The following CDC42SE2 variants were observed in gnomAD, a reference collection of about 807,000 sequenced individuals.
CDC42SE2 encodes CDC42 small effector 2, also known as CDC42 small effector protein 2.
Under a neutral mutation model 11.5 loss-of-function variants are expected in CDC42SE2, and 3 were observed. The observed-to-expected ratio is 0.26, with a 90% CI of 0.12 to 0.67. The LOEUF is 0.67. Among genes scored for constraint, CDC42SE2 ranks in the 30% least tolerant of loss-of-function variants. The probability of loss-of-function intolerance (pLI) is 0.80; values close to 1 mark genes in which losing one functional copy is unlikely to be tolerated. For missense variants in CDC42SE2, 82 were observed against 106.8 expected (o/e 0.77, Z 1.02); for synonymous variants, 33 against 34.8 (o/e 0.95, Z 0.18).
intron 3 of CDC42SE2, among the ~76,000 whole-genome samples, chr5:131,368,792 C>A (rs1045160544): frequency 4.6e-5 from 7 of 152,160 alleles, no homozygotes; most frequent in African/African-American, 1.7e-4. Context: ...GAAGCCAAAT[C>A]TGAGACATTA....
intron 1 of CDC42SE2, among the ~76,000 whole-genome samples, chr5:131,277,268 C>CA (rs1757124137): frequency 1.3e-5 from 2 of 152,124 alleles, no homozygotes; most frequent in Non-Finnish European, 2.9e-5. Flanking sequence ...TCCTACCACT[C>CA]AGTTTATTTC....
chr5:131,272,349 C>A (rs141128725), intron 1 of CDC42SE2, among the ~76,000 whole-genome samples: 28 of 152,230 alleles, frequency 1.8e-4, no homozygotes, highest in African/African-American at 6.7e-4. Flanking sequence ...AGTACGTTTC[C>A]TGATTTAATC....
At chr5:131,230,960 T>C in the CDC42SE2 span, among the ~76,000 whole-genome samples, 1 of 152,208 alleles carries the variant, frequency 6.6e-6, no homozygotes, top group Non-Finnish European at 1.5e-5. Flanking sequence ...TAAACATACA[T>C]ACACACACAT....
At chr5:131,385,391 G>T (rs1482480464) in intron 3 of CDC42SE2, 152 bp from the exon 4 acceptor site, 6 of 532,762 alleles carry the variant, frequency 1.1e-5, no homozygotes, top group Admixed American at 3.4e-5. Context: ...ATTTGTCTTG[G>T]GGATTTCATC....
chr5:131,335,821 G>A (rs1196937638), intron 2 of CDC42SE2, among the ~76,000 whole-genome samples: 2 of 152,054 alleles, frequency 1.3e-5, no homozygotes. Context: ...CATTTGCTTG[G>A]TAGATCTTCC....
At chr5:131,302,362 A>G (rs1246616997) in intron 1 of CDC42SE2, among the ~76,000 whole-genome samples, 1 of 152,202 alleles carries the variant, frequency 6.6e-6, no homozygotes, top group Non-Finnish European at 1.5e-5. Flanking sequence ...TATTTTTAGT[A>G]GAAACAGGGT....
At chr5:131,348,596 C>T (rs1029848808) in intron 2 of CDC42SE2, among the ~76,000 whole-genome samples, 3 of 152,112 alleles carry the variant, frequency 2.0e-5, no homozygotes, top group Admixed American at 6.5e-5. Flanking sequence ...AATGCCATCC[C>T]CATCAATCTA....
chr5:131,275,887 A>G (rs868107498), intron 1 of CDC42SE2, among the ~76,000 whole-genome samples: 11 of 152,022 alleles, frequency 7.2e-5, no homozygotes, highest in South Asian at 6.2e-4. Context: ...TTCAAAAAAA[A>G]AAGCGTATAT....
At chr5:131,286,627 C>G (rs971609692) in intron 1 of CDC42SE2, among the ~76,000 whole-genome samples, 1 of 151,884 alleles carries the variant, frequency 6.6e-6, no homozygotes, top group Non-Finnish European at 1.5e-5. Context: ...ACCCCTGAGA[C>G]AGCGAGACCA....
chr5:131,248,294 C>G (rs901234395), intron 1 of CDC42SE2, among the ~76,000 whole-genome samples: 3 of 152,086 alleles, frequency 2.0e-5, no homozygotes, highest in African/African-American at 7.2e-5. Context: ...CGCATGCCAC[C>G]ATGCTTGGCT....
At chr5:131,256,370 C>T (rs2149684813) in intron 2 of CDC42SE2, among the ~76,000 whole-genome samples, 1 of 152,296 alleles carries the variant, frequency 6.6e-6, no homozygotes, top group South Asian at 2.1e-4. Flanking sequence ...GCTAGAGGGT[C>T]ACCTCAAAGA....
At chr5:131,253,865 C>T (rs1024104643) in intron 1 of CDC42SE2, among the ~76,000 whole-genome samples, 6 of 152,156 alleles carry the variant, frequency 3.9e-5, no homozygotes, top group Admixed American at 3.3e-4. Flanking sequence ...CAAATACTTG[C>T]GTTAGGTTTT....
Position 131,392,590 on chromosome 5 carries a change from A to ATGT in CDC42SE2, c.*1501_*1503dup, listed in dbSNP as rs1424723352. On this transcript the variant is annotated 3_prime_UTR_variant, in exon 5 of 5. Transcript: ENST00000505065. ...TCATAAGGCATTCATTCTGTTGTAA[A>ATGT]TGTTCAATATATTTATTTTGAGAGC... The ATGT allele has an allele frequency of 6.6e-6, 1 of 152,284 alleles. No individual in the cohort carries two copies. Among genetic ancestry groups the ATGT allele is most frequent in the Non-Finnish European group, 1.5e-5 (1 of 68,028 alleles). 9.4% of individuals were successfully genotyped at this position (152,284 alleles called of 1,614,324 possible).
chr5:131,379,952 C>T (rs892678989), intron 3 of CDC42SE2, among the ~76,000 whole-genome samples: 2 of 151,930 alleles, frequency 1.3e-5, no homozygotes, highest in African/African-American at 4.8e-5. Flanking sequence ...CTCACTCTGG[C>T]ACCCAGGCTG....
At chr5:131,343,327 T>A (rs1332886618) in intron 2 of CDC42SE2, among the ~76,000 whole-genome samples, 1 of 152,198 alleles carries the variant, frequency 6.6e-6, no homozygotes, top group Non-Finnish European at 1.5e-5. Context: ...GTCCATCATC[T>A]ATAATACACT....
chr5:131,316,828 C>T lies in CDC42SE2; in HGVS notation c.-286+684C>T, dbSNP rs557025452. Among the ~76,000 whole-genome samples, 395 of 152,214 alleles carry T rather than the reference C, an allele frequency of 2.6e-3. 4 individuals carry two copies. Among genetic ancestry groups the T allele is most frequent in the Non-Finnish European group, 4.6e-3 (312 of 68,006 alleles). On this transcript the variant is annotated intron_variant, in intron 2 of 4. Coordinates refer to ENST00000505065, the MANE Select transcript of CDC42SE2 (RefSeq NM_001375635.1). ...TTTTCTTATTGTTTAAGCAGTTTTGCCTTGAGATTTCCTGTTATTTGCTAT... is the reference window on the plus strand; with the variant it reads ...TTTTCTTATTGTTTAAGCAGTTTTGTCTTGAGATTTCCTGTTATTTGCTAT...
At chr5:131,345,972 C>T (rs1000130361) in intron 2 of CDC42SE2, among the ~76,000 whole-genome samples, 1 of 152,158 alleles carries the variant, frequency 6.6e-6, no homozygotes, top group Admixed American at 6.5e-5. Flanking sequence ...CACCACCAGG[C>T]CTCCCTTACA....
chr5:131,368,132 G>A (rs899765731), intron 3 of CDC42SE2, among the ~76,000 whole-genome samples: 1 of 151,608 alleles, frequency 6.6e-6, no homozygotes, highest in South Asian at 2.1e-4. Context: ...GGACGCCTGT[G>A]GTCCCAGCTA....
chr5:131,282,368 T>TGGA, intron 1 of CDC42SE2, among the ~76,000 whole-genome samples: 1 of 152,350 alleles, frequency 6.6e-6, no homozygotes, highest in Admixed American at 6.5e-5. Flanking sequence ...ATAGCAAGTT[T>TGGA]CTCTTATCAG....
Sources: gnomAD v4.1 joint callset for allele counts (sites outside exome capture counted in the v4.1 genomes callset) on GRCh38, gnomAD v4.1.1 for gene constraint, MANE v1.5 for transcripts, NCBI Gene and HGNC (gene_info 2026-07-23, HGNC 2026-07-21) for gene names.